Variants in SUPT3H observed in about 807,000 individuals in gnomAD.
SUPT3H encodes the protein SPT3 homolog, SAGA and STAGA complex component, also known as transcription initiation protein SPT3 homolog.
SUPT3H carries 44 observed loss-of-function variants against 44.3 expected under a neutral mutation model. The ratio of observed to expected loss-of-function variants is 0.99; its 90% CI spans 0.78 to 1.28. The LOEUF (loss-of-function observed/expected upper bound fraction) is 1.28, where lower values mean the gene tolerates loss of function less well. Among genes scored for constraint, SUPT3H ranks in the 50% most tolerant of loss-of-function variants. The pLI is 0.00. For synonymous variants in SUPT3H, 124 were observed against 125.6 expected (o/e 0.99, Z 0.09); for missense variants, 380 against 387.1 (o/e 0.98, Z 0.15).
chr6:44,845,155 A>C (rs1004289709), intron 10 of SUPT3H, among the ~76,000 whole-genome samples: 1 of 152,222 alleles, frequency 6.6e-6, no homozygotes, highest in African/African-American at 2.4e-5. Context: ...CTGTGTATAT[A>C]ATTATACAAT....
chr6:44,900,486 C>T (rs1368976337), intron 10 of SUPT3H, among the ~76,000 whole-genome samples: 1 of 152,234 alleles, frequency 6.6e-6, no homozygotes, highest in Non-Finnish European at 1.5e-5. Context: ...GGGGCGCCTG[C>T]CATTGCCGAG....
chr6:44,932,715 A>G lies in SUPT3H; in HGVS notation c.850T>C (p.Cys284Arg), dbSNP rs577252940. The G allele has an allele frequency of 3.1e-6, 5 of 1,611,438 alleles. No individual in the cohort carries two copies. Among genetic ancestry groups the G allele is most frequent in the East Asian group, 2.2e-5 (1 of 44,620 alleles). ...CGTCGAATGGCCTCTCTGATGTGGC[A>G]GGGCTGGATGGCATCGCTGTGAGCC... ...VEAHSDAIQP[C>R]HIREAIRRYS... Residue 284 changes from cysteine (C) to arginine (R), a missense_variant, in exon 10 of 11, where the codon TGC (cysteine) becomes CGC (arginine). By Grantham distance (180) the Cys-to-Arg change is radical. Transcript: ENST00000371459.
intron 6 of SUPT3H, among the ~76,000 whole-genome samples, chr6:44,997,889 C>T (rs1422350828): frequency 1.3e-5 from 2 of 151,750 alleles, no homozygotes; most frequent in African/African-American, 4.8e-5. Context: ...CCAATTAAAA[C>T]TATCATATGG....
Position 45,251,869 on chromosome 6 carries a change from G to C in SUPT3H, c.101+113332C>G, listed in dbSNP as rs186761302. Among the ~76,000 whole-genome samples the C allele has an allele frequency of 2.8e-4, 42 of 152,068 alleles. 1 individual carries two copies. Among genetic ancestry groups the C allele is most frequent in the African/African-American group, 1.0e-3 (42 of 41,488 alleles). ...AGATGGTCTCCAAAGGTTTAGATATGAACTGTTCATAGTATAAAAGAACAG... is the reference window on the plus strand; with the variant it reads ...AGATGGTCTCCAAAGGTTTAGATATCAACTGTTCATAGTATAAAAGAACAG... On this transcript the variant is annotated intron_variant, in intron 2 of 10. Coordinates refer to ENST00000371459, the MANE Select transcript of SUPT3H (RefSeq NM_003599.4).
Position 44,953,296 on chromosome 6 carries a change from T to G in SUPT3H, c.801+14A>C, listed in dbSNP as rs1232123946. On this transcript the variant is annotated intron_variant, in intron 9 of 10. Coordinates refer to ENST00000371459, the MANE Select transcript of SUPT3H (RefSeq NM_003599.4). The stretch of plus-strand genomic sequence containing the variant: ...ATTCACAAATGTTTTAAGACAGATT[T>G]TTTTTGTACTTACCTCAGCAGAGTT... 6.2e-7 allele frequency: 1 copy of G among 1,607,292 alleles called. No homozygotes were observed. Among genetic ancestry groups the G allele is most frequent in the Non-Finnish European group, 8.5e-7 (1 of 1,174,372 alleles).
intron 4 of SUPT3H, among the ~76,000 whole-genome samples, chr6:45,016,026 G>A (rs1016983854): frequency 6.6e-6 from 1 of 152,014 alleles, no homozygotes; most frequent in African/African-American, 2.4e-5. Flanking sequence ...CTAAAATAAT[G>A]ATGGAGTATT....
intron 10 of SUPT3H, among the ~76,000 whole-genome samples, chr6:44,907,154 G>A (rs1766239944): frequency 6.6e-6 from 1 of 152,154 alleles, no homozygotes; most frequent in East Asian, 1.9e-4. Flanking sequence ...TTTTACTCCA[G>A]AGTGTAAATG....
At chr6:44,816,967 G>A (rs572335297) in intron 11 of SUPT3H, among the ~76,000 whole-genome samples, 34 of 152,162 alleles carry the variant, frequency 2.2e-4, no homozygotes, top group African/African-American at 5.8e-4. Context: ...AGGCTGAGGC[G>A]AGAAGATGGC....
At position 45,014,145 on chromosome 6, in the gene SUPT3H, A is replaced by G. The variant is rs148698034; in HGVS notation, c.364+656T>C. Among the ~76,000 whole-genome samples the G allele has an allele frequency of 1.5e-4, 23 of 152,138 alleles. No individual in the cohort carries two copies. In the East Asian group the frequency reaches 4.4e-3, roughly 29 times the overall value. ...CTGAATATTTTACTTTATAATTTCT[A>G]TCAACTGTTTTTTTTTTAAGTTTTA... On this transcript the variant is annotated intron_variant, in intron 5 of 10. Coordinates refer to ENST00000371459, the MANE Select transcript of SUPT3H (RefSeq NM_003599.4).
intron 5 of SUPT3H, among the ~76,000 whole-genome samples, chr6:45,010,974 T>C (rs886583844): frequency 6.6e-6 from 1 of 152,140 alleles, no homozygotes; most frequent in African/African-American, 2.4e-5. Context: ...ATTGAGGTGA[T>C]CATGTGATTT....
At chr6:45,021,568 CA>C (rs1485888656) in intron 3 of SUPT3H, among the ~76,000 whole-genome samples, 2 of 151,852 alleles carry the variant, frequency 1.3e-5, no homozygotes, top group Middle Eastern at 3.2e-3. Context: ...CAAGTCTATC[CA>C]ATATGAAATA....
intron 2 of SUPT3H, among the ~76,000 whole-genome samples, chr6:45,124,701 T>C (rs545869089): frequency 2.0e-3 from 299 of 151,326 alleles, no homozygotes; most frequent in Non-Finnish European, 2.6e-3. Flanking sequence ...ATTTTTAAAA[T>C]ATTGAATATT....
chr6:45,141,433 A>C (rs1805191461), intron 2 of SUPT3H, among the ~76,000 whole-genome samples: 1 of 151,564 alleles, frequency 6.6e-6, no homozygotes, highest in Non-Finnish European at 1.5e-5. Context: ...AAGCAACTTA[A>C]ATAAGTTTTT....
At chr6:44,924,228 G>A (rs1582525707) in intron 10 of SUPT3H, among the ~76,000 whole-genome samples, 1 of 152,142 alleles carries the variant, frequency 6.6e-6, no homozygotes, top group South Asian at 2.1e-4. Context: ...TTTGCACCAA[G>A]ACTTTTGCAG....
At chr6:44,970,511 T>G (rs2153482295) in intron 6 of SUPT3H, among the ~76,000 whole-genome samples, 1 of 152,294 alleles carries the variant, frequency 6.6e-6, no homozygotes, top group South Asian at 2.1e-4. Flanking sequence ...CCCAAACTAT[T>G]TCTTTTAAGT....
chr6:45,106,569 C>A (rs1284969021), intron 2 of SUPT3H, among the ~76,000 whole-genome samples: 2 of 151,992 alleles, frequency 1.3e-5, no homozygotes, highest in Non-Finnish European at 2.9e-5. Flanking sequence ...CAGAGTCTCA[C>A]CCTGTTGCCC....
chr6:45,254,574 T>C (rs1489383389), intron 2 of SUPT3H, among the ~76,000 whole-genome samples: 2 of 152,180 alleles, frequency 1.3e-5, no homozygotes, highest in Non-Finnish European at 2.9e-5. Context: ...TGATAAGGAA[T>C]AAATAAAATT....
At chr6:45,120,613 T>A (rs775685546) in intron 2 of SUPT3H, among the ~76,000 whole-genome samples, 1 of 151,818 alleles carries the variant, frequency 6.6e-6, no homozygotes, top group African/African-American at 2.4e-5. Context: ...ACTAAAGAAG[T>A]TGAACAACAA....
intron 3 of SUPT3H, among the ~76,000 whole-genome samples, chr6:45,056,148 C>T (rs768660438): frequency 5.3e-5 from 8 of 151,954 alleles, no homozygotes; most frequent in Admixed American, 2.0e-4. Context: ...TTTACTCCTT[C>T]TAGAATGGCC....
Sources: gnomAD v4.1 joint callset for allele counts (sites outside exome capture counted in the v4.1 genomes callset) on GRCh38, gnomAD v4.1.1 for gene constraint, MANE v1.5 for transcripts, NCBI Gene and HGNC (gene_info 2026-07-23, HGNC 2026-07-21) for gene names.